Variants in SLC25A21 observed in about 807,000 individuals in gnomAD.
SLC25A21 encodes the protein mitochondrial 2-oxodicarboxylate carrier.
In SLC25A21, 47 loss-of-function variants were observed where a neutral mutation model predicts 43.8. The observed-to-expected ratio is 1.07, with a 90% CI of 0.85 to 1.37. SLC25A21 has a LOEUF of 1.37. SLC25A21 is among the 40% of genes most tolerant of loss of function. SLC25A21 has a pLI of 0.00. For missense variants in SLC25A21, 352 were observed against 350.2 expected (o/e 1.00, Z -0.04); for synonymous variants, 131 against 121.3 (o/e 1.08, Z -0.52).
At chr14:36,712,370 T>C (rs972953751) in intron 6 of SLC25A21, among the ~76,000 whole-genome samples, 1 of 151,742 alleles carries the variant, frequency 6.6e-6, no homozygotes, top group Non-Finnish European at 1.5e-5. Flanking sequence ...TTTCCACCCA[T>C]GAGGCACACA....
At chr14:37,140,278 G>T (rs1223106322) in intron 1 of SLC25A21, among the ~76,000 whole-genome samples, 1 of 152,166 alleles carries the variant, frequency 6.6e-6, no homozygotes, top group Admixed American at 6.5e-5. Context: ...GTATTCACAG[G>T]TCTCTGAGTG....
intron 3 of SLC25A21, among the ~76,000 whole-genome samples, chr14:36,800,473 A>T (rs1372273926): frequency 6.6e-6 from 1 of 152,244 alleles, no homozygotes; most frequent in African/African-American, 2.4e-5. Context: ...GAAATAAACC[A>T]GTCAGTCACA....
rs1302641121 is a variant in SLC25A21, at chr14:36,684,616, T to C, written c.785+128A>G. ...TGTCTTGGAAAGTTTGTCATATATA[T>C]TCGCAGTTTCTTAGACACAAGCTCC... On this transcript the variant is annotated intron_variant, in intron 8 of 9. Coordinates refer to ENST00000331299, the MANE Select transcript of SLC25A21 (RefSeq NM_030631.4). 10 of 777,532 alleles carry C rather than the reference T, an allele frequency of 1.3e-5. No individual in the cohort carries two copies. In the East Asian group the frequency reaches 2.7e-4, roughly 21 times the overall value. 48.2% of individuals were successfully genotyped at this position (777,532 alleles called of 1,614,324 possible). A position where few individuals can be genotyped will look rare whatever the true frequency, so the allele number is the denominator to read the frequency against.
At chr14:37,090,061 T>C (rs577701066) in intron 1 of SLC25A21, among the ~76,000 whole-genome samples, 1 of 152,334 alleles carries the variant, frequency 6.6e-6, no homozygotes, top group African/African-American at 2.4e-5. Flanking sequence ...TTCTCCCCCA[T>C]TCATCATACC....
intron 1 of SLC25A21, among the ~76,000 whole-genome samples, chr14:37,050,307 C>T (rs981847400): frequency 6.6e-6 from 1 of 152,188 alleles, no homozygotes; most frequent in African/African-American, 2.4e-5. Flanking sequence ...CTATCTAATA[C>T]AGTAAGTAAT....
intron 1 of SLC25A21, among the ~76,000 whole-genome samples, chr14:37,125,622 T>TTATA (rs1963283879): frequency 6.6e-6 from 1 of 152,230 alleles, no homozygotes. Context: ...TTGTGCTATT[T>TTATA]GGTAGAGGGT....
At chr14:37,016,563 T>TA (rs1960861727) in intron 1 of SLC25A21, among the ~76,000 whole-genome samples, 2 of 152,018 alleles carry the variant, frequency 1.3e-5, no homozygotes, top group African/African-American at 4.8e-5. Context: ...TTAAGGGCCT[T>TA]AGGATTTTCA....
At chr14:36,777,194 G>T (rs1196263082) in intron 3 of SLC25A21, among the ~76,000 whole-genome samples, 1 of 152,148 alleles carries the variant, frequency 6.6e-6, no homozygotes, top group African/African-American at 2.4e-5. Context: ...GGAGGCGGAT[G>T]TTGCAATGAG....
At chr14:37,035,652 T>C (rs1471310229) in intron 1 of SLC25A21, among the ~76,000 whole-genome samples, 5 of 152,182 alleles carry the variant, frequency 3.3e-5, no homozygotes, top group Non-Finnish European at 7.3e-5. Context: ...ATCACTGTGT[T>C]TCTCCAAGGA....
In SLC25A21 at chr14:36,904,995, A is replaced by G. The variant is rs191804247; in HGVS notation, c.71-29991T>C. On this transcript the variant is annotated intron_variant, in intron 1 of 9. Coordinates refer to ENST00000331299, the MANE Select transcript of SLC25A21 (RefSeq NM_030631.4). Reference sequence around the variant, plus strand: ...GCCCAGGTAAACCTATTTAGATATGATTAGAATGAATCCTACTCCCTTCCA... The same window carrying G: ...GCCCAGGTAAACCTATTTAGATATGGTTAGAATGAATCCTACTCCCTTCCA... Among the ~76,000 whole-genome samples the G allele has an allele frequency of 3.3e-5, 5 of 152,328 alleles. No homozygotes were observed. The East Asian group carries it at 9.6e-4, about 29-fold the overall frequency.
chr14:37,119,420 G>C (rs1963165046), intron 1 of SLC25A21, among the ~76,000 whole-genome samples: 1 of 152,068 alleles, frequency 6.6e-6, no homozygotes, highest in Non-Finnish European at 1.5e-5. Flanking sequence ...GTGGTGGTGT[G>C]GTGGCATGGG....
chr14:36,983,158 C>T (rs1443075867), intron 1 of SLC25A21, among the ~76,000 whole-genome samples: 1 of 152,120 alleles, frequency 6.6e-6, no homozygotes, highest in Non-Finnish European at 1.5e-5. Context: ...GAATACAAAA[C>T]CCTGAAACAT....
chr14:36,737,497 A>C (rs1885090944), intron 3 of SLC25A21, among the ~76,000 whole-genome samples: 1 of 152,146 alleles, frequency 6.6e-6, no homozygotes, highest in African/African-American at 2.4e-5. Flanking sequence ...GAGAATGAGC[A>C]ATTTTAACAA....
At chr14:36,916,523 A>ATG (rs956856393) in intron 1 of SLC25A21, among the ~76,000 whole-genome samples, 33 of 152,318 alleles carry the variant, frequency 2.2e-4, no homozygotes, top group African/African-American at 7.5e-4. Flanking sequence ...ACTGTAGATA[A>ATG]TGCAAATATG....
At chr14:37,159,454 C>T (rs1963903263) in intron 1 of SLC25A21, among the ~76,000 whole-genome samples, 1 of 151,974 alleles carries the variant, frequency 6.6e-6, no homozygotes, top group African/African-American at 2.4e-5. Flanking sequence ...TTTGACAAAG[C>T]TGACAAGAGT....
At chr14:36,808,545 C>T (rs2138433665) in intron 3 of SLC25A21, among the ~76,000 whole-genome samples, 1 of 152,238 alleles carries the variant, frequency 6.6e-6, no homozygotes, top group Admixed American at 6.5e-5. Context: ...CCATTCACAG[C>T]CATTATTTCC....
chr14:36,694,593 G>A (rs1451462300), intron 7 of SLC25A21, among the ~76,000 whole-genome samples: 1 of 152,132 alleles, frequency 6.6e-6, no homozygotes, highest in African/African-American at 2.4e-5. Context: ...ACTTTTTAAT[G>A]ATTGCCATTC....
At position 36,758,172 on chromosome 14, in the gene SLC25A21, G is replaced by A. The variant is rs530257137; in HGVS notation, c.204-23599C>T. Among the ~76,000 whole-genome samples the A allele has an allele frequency of 6.2e-4, 95 of 152,312 alleles. 1 individual carries two copies. Among genetic ancestry groups the A allele is most frequent in the Middle Eastern group, 6.8e-3 (2 of 294 alleles). On this transcript the variant is annotated intron_variant, in intron 3 of 9. Coordinates refer to ENST00000331299, the MANE Select transcript of SLC25A21 (RefSeq NM_030631.4). Reference sequence around the variant, plus strand: ...CTCACCAACAGAGCCTGCATGAAGGGAGGTCAGCCTTGGTGACTAATCTCA... The same window carrying A: ...CTCACCAACAGAGCCTGCATGAAGGAAGGTCAGCCTTGGTGACTAATCTCA...
intron 3 of SLC25A21, among the ~76,000 whole-genome samples, chr14:36,796,995 T>C (rs190007837): frequency 2.8e-4 from 43 of 152,254 alleles, no homozygotes; most frequent in African/African-American, 8.2e-4. Context: ...TCAGTGGACA[T>C]AGGATCAGGA....
Sources: gnomAD v4.1 joint callset for allele counts (sites outside exome capture counted in the v4.1 genomes callset) on GRCh38, gnomAD v4.1.1 for gene constraint, MANE v1.5 for transcripts, NCBI Gene and HGNC (gene_info 2026-07-23, HGNC 2026-07-21) for gene names.